MYO9A: variants seen among roughly 807,000 people sequenced by gnomAD.
MYO9A encodes the protein myosin IXA.
MYO9A carries 103 observed loss-of-function variants against 293.3 expected under a neutral mutation model. The observed-to-expected ratio is 0.35, with a 90% CI of 0.30 to 0.41. The LOEUF is 0.41. Among genes scored for constraint, MYO9A ranks in the 10% least tolerant of loss-of-function variants. The pLI, the probability that MYO9A is intolerant of heterozygous loss-of-function variation, is 1.00. For missense variants in MYO9A, 2,685 were observed against 3,033.0 expected (o/e 0.89, Z 2.69); for synonymous variants, 1,001 against 1,035.7 (o/e 0.97, Z 0.64).
intron 8 of MYO9A, among the ~76,000 whole-genome samples, chr15:72,000,425 A>C (rs918235930): frequency 6.6e-6 from 1 of 150,518 alleles, no homozygotes; most frequent in Non-Finnish European, 1.5e-5. Context: ...ATAAACTTTT[A>C]AGATAAAGTT....
intron 20 of MYO9A, 55 bp from the exon 21 acceptor site, chr15:71,904,094 T>G: frequency 1.5e-6 from 2 of 1,357,870 alleles, no homozygotes; most frequent in Non-Finnish European, 2.1e-6. Context: ...AAATTAATTA[T>G]CTGTTTATAA....
chr15:72,116,368 T>G (rs1332989314), intron 1 of MYO9A, among the ~76,000 whole-genome samples: 1 of 152,252 alleles, frequency 6.6e-6, no homozygotes, highest in Non-Finnish European at 1.5e-5. Context: ...TACTGATCAT[T>G]TGATGCAACA....
rs960762052 is a variant in MYO9A, at chr15:71,825,839, A to C, written c.*741T>G. The C allele has an allele frequency of 6.6e-6, 1 of 152,222 alleles. No individual in the cohort carries two copies. Among genetic ancestry groups the C allele is most frequent in the Admixed American group, 6.5e-5 (1 of 15,280 alleles). The allele number at this position is 152,222 out of a possible 1,614,324, so 9.4% of individuals were successfully genotyped here. A position where few individuals can be genotyped will look rare whatever the true frequency, so the allele number is the denominator to read the frequency against. ...TGGCTACTGACACTTCAGCCCATGC[A>C]ATGTATTTGGCAGGAACTAAACAGG... On this transcript the variant is annotated 3_prime_UTR_variant, in exon 42 of 42. Transcript: ENST00000356056.
At chr15:72,059,807 T>C (rs979826912) in intron 1 of MYO9A, among the ~76,000 whole-genome samples, 9 of 152,206 alleles carry the variant, frequency 5.9e-5, no homozygotes, top group Admixed American at 2.0e-4. Flanking sequence ...GGAGAAACAT[T>C]TGCCTGCCTT....
chr15:71,974,431 G>A (rs1207888031), intron 12 of MYO9A, among the ~76,000 whole-genome samples: 2 of 152,202 alleles, frequency 1.3e-5, no homozygotes, highest in African/African-American at 4.8e-5. Flanking sequence ...GGCGGTTGGG[G>A]AAGGTGCTGG....
At chr15:71,988,730 T>C (rs753961990) in intron 11 of MYO9A, among the ~76,000 whole-genome samples, 1 of 152,222 alleles carries the variant, frequency 6.6e-6, no homozygotes, top group Non-Finnish European at 1.5e-5. Flanking sequence ...TATTCTTAAC[T>C]ATTTCCCTTG....
Position 71,897,471 on chromosome 15 carries a change from T to G in MYO9A, c.5032A>C (p.Ser1678Arg). ...AAACATTTCACTTACAGGGGAATAC[T>G]CATATTGTCCTTTGGAGTGAAGAAA... ...PIFFTPKDNM[S>R]IPLVSKEALN... Residue 1678 changes from serine (S) to arginine (R), a missense_variant, in exon 25 of 42, where the codon AGT (serine) becomes CGT (arginine). Physicochemically the swap from Ser to Arg is moderately radical, Grantham distance 110 (BLOSUM62 -1). This residue lies in a region of MYO9A where 1,434 missense variants were observed against 1,497.7 expected (regional missense o/e 0.96). Coordinates refer to ENST00000356056, the MANE Select transcript of MYO9A (RefSeq NM_006901.4). The G allele has an allele frequency of 1.9e-6, 3 of 1,606,720 alleles. No homozygotes were observed. Among genetic ancestry groups the G allele is most frequent in the Non-Finnish European group, 2.6e-6 (3 of 1,175,782 alleles).
chr15:72,060,914 T>C (rs1405918118), intron 1 of MYO9A, among the ~76,000 whole-genome samples: 1 of 152,146 alleles, frequency 6.6e-6, no homozygotes, highest in Non-Finnish European at 1.5e-5. Flanking sequence ...GCACAGCTTG[T>C]AGCTCCAGGA....
At chr15:71,879,986 G>T in intron 29 of MYO9A, 149 bp from the exon 30 acceptor site, 1 of 618,390 alleles carries the variant, frequency 1.6e-6, no homozygotes, top group Non-Finnish European at 2.8e-6. Flanking sequence ...GTTATGACTA[G>T]ACAGTCAAAC....
chr15:71,953,580 TAATA>T (rs2059107533), intron 14 of MYO9A: 1 of 152,238 alleles, frequency 6.6e-6, no homozygotes, highest in South Asian at 2.1e-4. Flanking sequence ...CTATTTCATC[TAATA>T]AACTGTGGCA....
intron 32 of MYO9A, among the ~76,000 whole-genome samples, chr15:71,870,964 C>T (rs143350847): frequency 9.2e-5 from 14 of 152,260 alleles, no homozygotes; most frequent in African/African-American, 3.1e-4. Context: ...GGGCAGACAA[C>T]TGATACACTA....
chr15:71,887,677 C>T (rs1429099712), intron 27 of MYO9A, among the ~76,000 whole-genome samples: 1 of 152,106 alleles, frequency 6.6e-6, no homozygotes, highest in Non-Finnish European at 1.5e-5. Context: ...TTTTGAGTTA[C>T]CTTTCCTCTG....
chr15:71,834,336 A>C (rs1297416972), intron 39 of MYO9A, among the ~76,000 whole-genome samples: 2 of 152,164 alleles, frequency 1.3e-5, no homozygotes, highest in Middle Eastern at 3.2e-3. Context: ...TCTTTCCAAA[A>C]ACAAAACTCT....
intron 19 of MYO9A, 73 bp from the exon 20 acceptor site, chr15:71,905,079 C>A: frequency 7.6e-7 from 1 of 1,316,602 alleles, no homozygotes; most frequent in South Asian, 1.5e-5. Context: ...TAACTATAAT[C>A]AACATGCTGG....
intron 1 of MYO9A, among the ~76,000 whole-genome samples, chr15:72,110,435 C>CAAAAAAAA (rs397854173): frequency 1.8e-4 from 8 of 45,126 alleles, no homozygotes; most frequent in Non-Finnish European, 3.3e-4. Flanking sequence ...GACTCCATCT[C>CAAAAAAAA]AAAAAAAAAA....
chr15:72,086,315 G>A (rs1339420327), intron 1 of MYO9A, among the ~76,000 whole-genome samples: 2 of 152,082 alleles, frequency 1.3e-5, no homozygotes, highest in Non-Finnish European at 2.9e-5. Flanking sequence ...GCAAATCTGT[G>A]TGCACCCTCT....
chr15:71,985,981 A>C (rs1163451902), intron 11 of MYO9A, among the ~76,000 whole-genome samples: 1 of 152,232 alleles, frequency 6.6e-6, no homozygotes, highest in Non-Finnish European at 1.5e-5. Context: ...GAATCAATCA[A>C]ATGAAGAGTA....
At chr15:71,901,166 A>T (rs374488080) in intron 23 of MYO9A, 25 bp downstream of exon 23, 31 of 1,596,950 alleles carry the variant, frequency 1.9e-5, no homozygotes, top group Middle Eastern at 1.7e-4. Context: ...AGTCAATCTC[A>T]TGCAAAGAAT....
chr15:71,977,967 G>T (rs2076184117), intron 12 of MYO9A, among the ~76,000 whole-genome samples: 1 of 152,150 alleles, frequency 6.6e-6, no homozygotes, highest in South Asian at 2.1e-4. Flanking sequence ...AACCCAGGAG[G>T]TGGAGGTTGC....
Sources: gnomAD v4.1 joint callset for allele counts (sites outside exome capture counted in the v4.1 genomes callset) on GRCh38, gnomAD v4.1.1 for gene constraint, gnomAD v4.1.1 regional missense constraint, MANE v1.5 for transcripts, NCBI Gene and HGNC (gene_info 2026-07-23, HGNC 2026-07-21) for gene names.